Variants in NCKAP5 observed in about 807,000 individuals in gnomAD.
NCKAP5 encodes nck-associated protein 5.
A neutral mutation model predicts 167.0 loss-of-function variants in NCKAP5; 92 were observed. The observed-to-expected ratio is 0.55, with a 90% CI of 0.47 to 0.66. The LOEUF (loss-of-function observed/expected upper bound fraction) is 0.66. NCKAP5 is among the 30% of genes least tolerant of loss of function. The pLI is 0.00. For missense variants in NCKAP5, 2,378 were observed against 2,315.0 expected, an observed-to-expected ratio of 1.03 and a Z score of -0.56; for synonymous variants, 891 against 877.4, an observed-to-expected ratio of 1.02 and a Z score of -0.27.
At chr2:132,989,127 A>G (rs2077380182) in intron 7 of NCKAP5, among the ~76,000 whole-genome samples, 1 of 152,252 alleles carries the variant, frequency 6.6e-6, no homozygotes, top group Non-Finnish European at 1.5e-5. Flanking sequence ...GAAGGTAGCT[A>G]TGGACATACG....
intron 10 of NCKAP5, among the ~76,000 whole-genome samples, chr2:132,866,218 G>A (rs1306664696): frequency 6.6e-6 from 1 of 152,140 alleles, no homozygotes; most frequent in East Asian, 1.9e-4. Flanking sequence ...TCCGTGTTTT[G>A]TTTAGTGGCA....
At chr2:133,672,241 T>A in the NCKAP5 span, among the ~76,000 whole-genome samples, 4 of 150,930 alleles carry the variant, frequency 2.7e-5, no homozygotes, top group African/African-American at 9.8e-5. Flanking sequence ...GGTTTGTTGA[T>A]TTGACTCATA....
Position 132,965,906 on chromosome 2 carries a change from G to C in NCKAP5, c.430-2037C>G, listed in dbSNP as rs180990983. 8.0e-3 allele frequency among the ~76,000 whole-genome samples: 1,050 copies of C among 131,550 alleles called. 4 individuals are homozygous for C. Among genetic ancestry groups the C allele is most frequent in the Non-Finnish European group, 0.013 (769 of 59,486 alleles). The allele number at this position is 131,550 out of a possible 152,430, so 86.3% of individuals were successfully genotyped here. A position where few individuals can be genotyped will look rare whatever the true frequency, so the allele number is the denominator to read the frequency against. On this transcript the variant is annotated intron_variant, in intron 7 of 19. Coordinates refer to ENST00000409261, the MANE Select transcript of NCKAP5 (RefSeq NM_207363.3). ...ATCTTTATAAGGTACATGACTCTTT[G>C]TGTGTGTGTGTGTGTGTGTGTGTGT...
chr2:133,185,798 T>A (rs1254233703), intron 5 of NCKAP5, among the ~76,000 whole-genome samples: 1 of 152,108 alleles, frequency 6.6e-6, no homozygotes, highest in Non-Finnish European at 1.5e-5. Context: ...AGCAATTTTT[T>A]ACACTAATTT....
chr2:133,026,114 T>C (rs959082895), intron 6 of NCKAP5, among the ~76,000 whole-genome samples: 9 of 152,204 alleles, frequency 5.9e-5, no homozygotes, highest in African/African-American at 1.9e-4. Context: ...TAAGCTTTTT[T>C]TCATGTTTGT....
intron 11 of NCKAP5, among the ~76,000 whole-genome samples, chr2:132,799,740 ATAATT>A (rs1684883097): frequency 6.6e-6 from 1 of 152,196 alleles, no homozygotes; most frequent in African/African-American, 2.4e-5. Context: ...TTTTAAAAAA[ATAATT>A]TAAACATTTA....
At chr2:132,973,825 G>T (rs1004367579) in intron 7 of NCKAP5, among the ~76,000 whole-genome samples, 4 of 151,976 alleles carry the variant, frequency 2.6e-5, no homozygotes, top group African/African-American at 9.7e-5. Flanking sequence ...GAAACAAAAG[G>T]CCAGTGAGAG....
the NCKAP5 span, among the ~76,000 whole-genome samples, chr2:133,669,654 A>G: frequency 6.6e-6 from 1 of 152,184 alleles, no homozygotes; most frequent in Admixed American, 6.5e-5. Flanking sequence ...TAGAATTTCA[A>G]CCTGACAGAA....
chr2:132,716,761 C>T (rs763905703), intron 19 of NCKAP5, among the ~76,000 whole-genome samples: 1 of 152,126 alleles, frequency 6.6e-6, no homozygotes, highest in African/African-American at 2.4e-5. Flanking sequence ...ACTGCTCTTT[C>T]GACAGGAGGG....
At chr2:132,768,774 G>A (rs186693174) in intron 16 of NCKAP5, among the ~76,000 whole-genome samples, 255 of 151,402 alleles carry the variant, frequency 1.7e-3, no homozygotes, top group African/African-American at 6.0e-3. Flanking sequence ...CGAGTAGCTG[G>A]GACTACAGGC....
intron 16 of NCKAP5, among the ~76,000 whole-genome samples, chr2:132,758,136 G>C (rs1008752998): frequency 2.0e-5 from 3 of 152,150 alleles, no homozygotes; most frequent in African/African-American, 7.2e-5. Flanking sequence ...CTCCTCATTC[G>C]GTTGCTTTGC....
chr2:132,982,314 A>G (rs1158741646), intron 7 of NCKAP5, among the ~76,000 whole-genome samples: 1 of 152,258 alleles, frequency 6.6e-6, no homozygotes, highest in East Asian at 1.9e-4. Context: ...GGAAAGTGCA[A>G]TTCCAGCTAA....
chr2:133,503,254 A>G (rs975738249), intron 3 of NCKAP5, among the ~76,000 whole-genome samples: 3 of 152,192 alleles, frequency 2.0e-5, no homozygotes, highest in African/African-American at 4.8e-5. Flanking sequence ...GCTCAACTGT[A>G]CTGGGGGTAT....
intron 4 of NCKAP5, among the ~76,000 whole-genome samples, chr2:133,262,444 C>T (rs1017565895): frequency 6.6e-6 from 1 of 152,218 alleles, no homozygotes; most frequent in South Asian, 2.1e-4. Context: ...TTCCCACCTG[C>T]TACAGTACCT....
At chr2:132,917,669 C>A (rs1694991671) in intron 8 of NCKAP5, among the ~76,000 whole-genome samples, 1 of 152,130 alleles carries the variant, frequency 6.6e-6, no homozygotes. Context: ...GGGAAAACAG[C>A]CCTACAGGTG....
chr2:132,795,813 C>T (rs535903414), intron 12 of NCKAP5, among the ~76,000 whole-genome samples: 3 of 106,126 alleles, frequency 2.8e-5, no homozygotes, highest in South Asian at 3.6e-4. Flanking sequence ...GATGAGACCC[C>T]GTATCAGAAA....
At chr2:133,436,543 G>A (rs1690491325) in intron 3 of NCKAP5, among the ~76,000 whole-genome samples, 1 of 152,004 alleles carries the variant, frequency 6.6e-6, no homozygotes, top group Non-Finnish European at 1.5e-5. Context: ...ACATTCCCTG[G>A]CCTTTCTAGT....
chr2:133,638,673 C>A, the NCKAP5 span, among the ~76,000 whole-genome samples: 2 of 152,026 alleles, frequency 1.3e-5, no homozygotes, highest in Non-Finnish European at 2.9e-5. Flanking sequence ...GCTTGGCCAA[C>A]ATGGTGAGGC....
chr2:133,320,160 C>T (rs569535969), intron 3 of NCKAP5, among the ~76,000 whole-genome samples: 26 of 152,312 alleles, frequency 1.7e-4, no homozygotes, highest in African/African-American at 6.3e-4. Flanking sequence ...TAGCCAGATA[C>T]TCTTTTACCC....
Sources: allele counts gnomAD v4.1 joint callset (sites outside exome capture counted in the v4.1 genomes callset), GRCh38; gene constraint gnomAD v4.1.1; transcripts MANE v1.5; gene names NCBI Gene and HGNC (gene_info 2026-07-23, HGNC 2026-07-21).